Variants in PCDHA7 observed in about 807,000 individuals in gnomAD.
The protein encoded by PCDHA7 is protocadherin alpha 7.
In PCDHA7, 37 loss-of-function variants were observed where a neutral mutation model predicts 57.2. The observed-to-expected ratio is 0.65, with a 90% CI of 0.50 to 0.85. The LOEUF (loss-of-function observed/expected upper bound fraction) is 0.85. Ranked by LOEUF, PCDHA7 falls within the 40% of genes least tolerant of loss-of-function variation. The pLI is 0.00. For missense variants in PCDHA7, 1,188 were observed against 1,241.8 expected, an observed-to-expected ratio of 0.96 and a Z score of 0.65; for synonymous variants, 553 against 558.8, an observed-to-expected ratio of 0.99 and a Z score of 0.15.
intron 1 of PCDHA7, chr5:140,870,710 C>T (rs782716335): frequency 6.2e-7 from 1 of 1,613,092 alleles, no homozygotes; most frequent in South Asian, 1.1e-5. Flanking sequence ...CAGGTGAGCG[C>T]GCGCGATGCG....
Position 140,848,199 on chromosome 5 carries a change from AATC to A in PCDHA7, c.2355+11464_2355+11466del, listed in dbSNP as rs2150407324. The stretch of plus-strand genomic sequence containing the variant: ...GAGAAACGGGATCTTCTGTTTCAAC[AATC>A]ATTACTTAAGAAAAAATTAAGAAAA... On this transcript the variant is annotated intron_variant, in intron 1 of 3. Coordinates refer to ENST00000525929, the MANE Select transcript of PCDHA7 (RefSeq NM_018910.3). The A allele has an allele frequency of 2.2e-5, 7 of 318,910 alleles. No individual in the cohort carries two copies. The South Asian group carries it at 2.2e-4, about 10-fold the overall frequency. The allele number at this position is 318,910 out of a possible 1,614,324, so 19.8% of individuals were successfully genotyped here.
rs1772901114 is a variant in PCDHA7 at position 140,834,320 on chromosome 5, A to G, written c.-64A>G. On this transcript the variant is annotated 5_prime_UTR_variant, in exon 1 of 4. The change creates a new upstream start codon in the 5' untranslated region. Coordinates refer to ENST00000525929, the MANE Select transcript of PCDHA7 (RefSeq NM_018910.3). Reference sequence around the variant, plus strand: ...CACATCGAGATTGAAATGAAGGGATAAAAACATTCCTATAAATTCGAAGGC... The same window carrying G: ...CACATCGAGATTGAAATGAAGGGATGAAAACATTCCTATAAATTCGAAGGC... 1 of 1,428,046 alleles carries G rather than the reference A, an allele frequency of 7.0e-7. No individual in the cohort carries two copies. Among genetic ancestry groups the G allele is most frequent in the African/African-American group, 1.4e-5 (1 of 70,140 alleles). The allele number at this position is 1,428,046 out of a possible 1,614,324, so 88.5% of individuals were successfully genotyped here. A position where few individuals can be genotyped will look rare whatever the true frequency, so the allele number is the denominator to read the frequency against.
At chr5:140,947,706 A>G (rs2153680894) in intron 1 of PCDHA7, among the ~76,000 whole-genome samples, 1 of 151,686 alleles carries the variant, frequency 6.6e-6, no homozygotes, top group East Asian at 1.9e-4. Context: ...AGTTTTAAGT[A>G]TTGAGGTTTC....
At chr5:141,001,997 C>G (rs2098052259) in intron 3 of PCDHA7, among the ~76,000 whole-genome samples, 1 of 152,190 alleles carries the variant, frequency 6.6e-6, no homozygotes, top group Admixed American at 6.5e-5. Context: ...AGTTCACTTG[C>G]AAACACAGAA....
In PCDHA7 at chr5:140,985,961, A is replaced by G. The variant is rs529433053; in HGVS notation, c.2503+3398A>G. ...TCACTGTGTTAGCCAGGATGGTCTCAATCTCCTGACCTCGTGATCCGCCCA... is the reference window on the plus strand; with the variant it reads ...TCACTGTGTTAGCCAGGATGGTCTCGATCTCCTGACCTCGTGATCCGCCCA... On this transcript the variant is annotated intron_variant, in intron 3 of 3. Transcript: ENST00000525929. 9.3e-3 allele frequency among the ~76,000 whole-genome samples: 1,411 copies of G among 151,982 alleles called. 12 individuals carry two copies. Among genetic ancestry groups the G allele is most frequent in the Non-Finnish European group, 0.015 (1,024 of 67,944 alleles).
chr5:140,995,466 T>A (rs1325738929), intron 3 of PCDHA7, among the ~76,000 whole-genome samples: 1 of 152,196 alleles, frequency 6.6e-6, no homozygotes, highest in Non-Finnish European at 1.5e-5. Flanking sequence ...ATTTTTGAAA[T>A]TTTTCATTTA....
chr5:140,966,812 C>T, intron 1 of PCDHA7: 1 of 1,550,798 alleles, frequency 6.4e-7, no homozygotes, highest in East Asian at 2.4e-5. Flanking sequence ...GCATCCACGG[C>T]TCCGGCGGCC....
chr5:140,990,621 G>A (rs75224471), intron 3 of PCDHA7, among the ~76,000 whole-genome samples: 1,861 of 152,288 alleles, frequency 0.012, 44 homozygotes, highest in African/African-American at 0.043. Context: ...GTAAAGGTCT[G>A]TGGTAAGACT....
rs782167817 is a variant in PCDHA7 at position 140,875,512 on chromosome 5, C to G, written c.2355+38774C>G. Reference sequence around the variant, plus strand: ...ACCAAGAGGCCCGGGATCCCAGCGTCTGCTGCTCTCGCTTCTGCTCCTTGC... The same window carrying G: ...ACCAAGAGGCCCGGGATCCCAGCGTGTGCTGCTCTCGCTTCTGCTCCTTGC... On this transcript the variant is annotated intron_variant, in intron 1 of 3. Coordinates refer to ENST00000525929, the MANE Select transcript of PCDHA7 (RefSeq NM_018910.3). 3 of 1,613,928 alleles carry G rather than the reference C, an allele frequency of 1.9e-6. No individual in the cohort carries two copies. The East Asian group carries it at 6.7e-5, about 36-fold the overall frequency.
At chr5:140,952,513 A>T (rs533436826) in intron 1 of PCDHA7, among the ~76,000 whole-genome samples, 7 of 152,028 alleles carry the variant, frequency 4.6e-5, no homozygotes, top group Non-Finnish European at 8.8e-5. Context: ...CCTCATCTCC[A>T]TCTGAGACCT....
At chr5:140,928,691 T>C (rs1554206164) in intron 1 of PCDHA7, 1 of 1,614,148 alleles carries the variant, frequency 6.2e-7, no homozygotes, top group East Asian at 2.2e-5. Context: ...TCCTACCACA[T>C]CTCCCGGGCG....
In PCDHA7 at chr5:140,848,329, A is replaced by T. The variant is rs2150408889; in HGVS notation, c.2355+11591A>T. 1.7e-5 allele frequency: 14 copies of T among 818,896 alleles called. 1 individual carries two copies. The highest frequency in any genetic ancestry group is 2.5e-5 in the Non-Finnish European group (13 of 512,110). The allele number at this position is 818,896 out of a possible 1,614,324, so 50.7% of individuals were successfully genotyped here. A position where few individuals can be genotyped will look rare whatever the true frequency, so the allele number is the denominator to read the frequency against. On this transcript the variant is annotated intron_variant, in intron 1 of 3. Transcript: ENST00000525929. The stretch of plus-strand genomic sequence containing the variant: ...ACTCTTTGCCGCGATGTTCTCTCTG[A>T]ATCCAGACAAATACAGCCCTTTTCC...
intron 1 of PCDHA7, among the ~76,000 whole-genome samples, chr5:140,952,338 CAAAAA>C (rs55931446): frequency 7.4e-5 from 10 of 135,008 alleles, no homozygotes; most frequent in Admixed American, 1.5e-4. Context: ...AACTCCATCT[CAAAAA>C]AAAAAAAAAA....
At chr5:140,968,288 C>G in intron 1 of PCDHA7, 2 of 1,613,976 alleles carry the variant, frequency 1.2e-6, no homozygotes, top group South Asian at 2.2e-5. Flanking sequence ...GACCTACTCC[C>G]TTCTGGAGAG....
chr5:140,851,068 A>G lies in PCDHA7; in HGVS notation c.2355+14330A>G, dbSNP rs563336540. ...CGACTTTGTCTTGACTTCTAGTGAG[A>G]ATTATAAACTGTATATTAAATAGAT... On this transcript the variant is annotated intron_variant, in intron 1 of 3. Transcript: ENST00000525929. The G allele has an allele frequency of 1.3e-4, 170 of 1,354,166 alleles. 16 individuals carry two copies. Among genetic ancestry groups the G allele is most frequent in the Middle Eastern group, 2.2e-4 (1 of 4,590 alleles). 83.9% of individuals were successfully genotyped at this position (1,354,166 alleles called of 1,614,324 possible).
chr5:140,877,242 G>A, intron 1 of PCDHA7: 1 of 1,613,732 alleles, frequency 6.2e-7, no homozygotes, highest in Non-Finnish European at 8.5e-7. Flanking sequence ...CGGGCCACGT[G>A]GTGGCGAAAG....
chr5:140,942,759 G>A (rs2093365403), intron 1 of PCDHA7, among the ~76,000 whole-genome samples: 1 of 152,074 alleles, frequency 6.6e-6, no homozygotes, highest in Admixed American at 6.6e-5. Context: ...AAATGAGATG[G>A]CATAATGTAT....
intron 1 of PCDHA7, among the ~76,000 whole-genome samples, chr5:140,914,941 T>C (rs1554196635): frequency 6.9e-6 from 1 of 145,614 alleles, no homozygotes; most frequent in Non-Finnish European, 1.5e-5. Flanking sequence ...TGTGAAAAGT[T>C]GTCTTTTTTT....
intron 1 of PCDHA7, chr5:140,852,584 T>TTA (rs2042387314): frequency 1.2e-6 from 1 of 824,154 alleles, no homozygotes. Context: ...GCTTTTTTAT[T>TTA]TTTTTTTTTT....
Sources: gnomAD v4.1 joint callset for allele counts (sites outside exome capture counted in the v4.1 genomes callset) on GRCh38, gnomAD v4.1.1 for gene constraint, MANE v1.5 for transcripts, NCBI Gene and HGNC (gene_info 2026-07-23, HGNC 2026-07-21) for gene names.